ABCD3: variants seen among roughly 807,000 people sequenced by gnomAD.
ABCD3 encodes the protein ATP binding cassette subfamily D member 3, also known as ATP-binding cassette sub-family D member 3.
Under a neutral mutation model 105.5 loss-of-function variants are expected in ABCD3, and 41 were observed. That is an observed-to-expected ratio of 0.39 (90% CI 0.30 to 0.50). The LOEUF is 0.50. ABCD3 is among the 20% of genes least tolerant of loss of function. The probability of loss-of-function intolerance (pLI) is 0.84; values close to 1 mark genes in which losing one functional copy is unlikely to be tolerated. For missense variants in ABCD3, 622 were observed against 806.3 expected, an observed-to-expected ratio of 0.77 and a Z score of 2.77; for synonymous variants, 258 against 269.0, an observed-to-expected ratio of 0.96 and a Z score of 0.40.
chr1:94,517,369 C>A lies in ABCD3; in HGVS notation c.*240C>A, dbSNP rs1408431160. The A allele has an allele frequency of 4.8e-6, 2 of 418,810 alleles. No homozygotes were observed. Among genetic ancestry groups the A allele is most frequent in the East Asian group, 5.1e-5 (1 of 19,602 alleles). The allele number at this position is 418,810 out of a possible 1,614,324, so 25.9% of individuals were successfully genotyped here. On this transcript the variant is annotated 3_prime_UTR_variant, in exon 23 of 23. Transcript: ENST00000370214. The stretch of plus-strand genomic sequence containing the variant: ...AATATGTACTAAGAATGTCCTTATT[C>A]TTGTGGTTAAAAACCTGCCTAAATT...
At chr1:94,465,595 A>G (rs1221244102) in intron 3 of ABCD3, among the ~76,000 whole-genome samples, 1 of 152,320 alleles carries the variant, frequency 6.6e-6, no homozygotes, top group Non-Finnish European at 1.5e-5. Flanking sequence ...TTAAATTTCA[A>G]AAGACAAACC....
Position 94,498,485 on chromosome 1 carries a change from A to G in ABCD3, c.1387-117A>G, listed in dbSNP as rs76692500. ...CTACCTAATGCTACATTTACAGACA[A>G]ATAGAAGGCTTATAATTAGCCAGGA... On this transcript the variant is annotated intron_variant, in intron 16 of 22. Transcript: ENST00000370214. The G allele has an allele frequency of 4.6e-3, 4,832 of 1,049,632 alleles. 21 individuals are homozygous for G. The highest frequency in any genetic ancestry group is 7.7e-3 in the Middle Eastern group (27 of 3,498). 65.0% of individuals were successfully genotyped at this position (1,049,632 alleles called of 1,614,324 possible).
At chr1:94,510,875 C>T (rs1320881551) in intron 21 of ABCD3, among the ~76,000 whole-genome samples, 2 of 152,024 alleles carry the variant, frequency 1.3e-5, no homozygotes, top group Non-Finnish European at 2.9e-5. Flanking sequence ...TATTTTGAGC[C>T]TATGTGTGTC....
chr1:94,493,620 G>A (rs1435579886), intron 16 of ABCD3, among the ~76,000 whole-genome samples: 15 of 151,318 alleles, frequency 9.9e-5, no homozygotes, highest in African/African-American at 3.6e-4. Flanking sequence ...TATAAATCAT[G>A]CTGCTATAAA....
chr1:94,511,180 A>G (rs988787197), intron 21 of ABCD3, among the ~76,000 whole-genome samples: 2 of 151,972 alleles, frequency 1.3e-5, no homozygotes, highest in African/African-American at 4.8e-5. Context: ...CTTTTAGGGC[A>G]GGCCCGGTGG....
Position 94,480,452 on chromosome 1 carries a change from CAAT to C in ABCD3, c.685-4_685-2del. ...CAGAACTTTGTGTATCTTTCTCTCC[CAAT>C]AATAATAGGGCCCAGCGAGCATGAT... On this transcript the variant is annotated splice_polypyrimidine_tract_variant and intron_variant, in intron 8 of 22. Transcript: ENST00000370214. 3 of 1,613,554 alleles carry C rather than the reference CAAT, an allele frequency of 1.9e-6. No individual in the cohort carries two copies. The highest frequency in any genetic ancestry group is 2.5e-6 in the Non-Finnish European group (3 of 1,179,686).
At chr1:94,484,721 C>T (rs760625137) in intron 10 of ABCD3, among the ~76,000 whole-genome samples, 1 of 152,008 alleles carries the variant, frequency 6.6e-6, no homozygotes, top group Non-Finnish European at 1.5e-5. Flanking sequence ...ACCAACATGG[C>T]AAATGCATGC....
chr1:94,418,825 T>G, intron 1 of ABCD3: 1 of 550,960 alleles, frequency 1.8e-6, no homozygotes, highest in Non-Finnish European at 3.2e-6. Flanking sequence ...CGAATTCTTC[T>G]GTGCCCGCGG....
At position 94,456,255 on chromosome 1, in the gene ABCD3, A is replaced by ATTT. The variant is rs71094301; in HGVS notation, c.111-2318_111-2316dup. On this transcript the variant is annotated intron_variant, in intron 1 of 22. Coordinates refer to ENST00000370214, the MANE Select transcript of ABCD3 (RefSeq NM_002858.4). ...CATCCATGTTGTTGCAAATGACAGA[A>ATTT]TTTTTTTTTTTTTTTTTTTTTTTTT... 2.4e-4 allele frequency among the ~76,000 whole-genome samples: 11 copies of ATTT among 44,958 alleles called. 2 individuals carry two copies. The highest frequency in any genetic ancestry group is 1.5e-3 in the East Asian group (2 of 1,348). 29.5% of individuals were successfully genotyped at this position (44,958 alleles called of 152,430 possible). A position where few individuals can be genotyped will look rare whatever the true frequency, so the allele number is the denominator to read the frequency against.
At position 94,487,924 on chromosome 1, in the gene ABCD3, A is replaced by C; in HGVS notation, c.1098A>C (p.Arg366=). The change falls in exon 13 of 23, where the codon CGA becomes CGC. Residue 366 remains arginine (R), a synonymous_variant. Coordinates refer to ENST00000370214, the MANE Select transcript of ABCD3 (RefSeq NM_002858.4). The part of the protein sequence containing the change: ...DYYQSGRMLL[R]MSQALGRIVL... ...ACCAAAGTGGAAGAATGCTTTTGCGAATGTCTCAAGCTCTGGGTCGAATAG... is the reference window on the plus strand; with the variant it reads ...ACCAAAGTGGAAGAATGCTTTTGCGCATGTCTCAAGCTCTGGGTCGAATAG... 6.2e-7 allele frequency: 1 copy of C among 1,613,908 alleles called. No homozygotes were observed. The highest frequency in any genetic ancestry group is 1.1e-5 in the South Asian group (1 of 91,028).
chr1:94,507,677 G>C (rs1192308884), intron 21 of ABCD3, among the ~76,000 whole-genome samples: 2 of 152,024 alleles, frequency 1.3e-5, no homozygotes, highest in Non-Finnish European at 2.9e-5. Flanking sequence ...TTTAATGATT[G>C]CCATTCTAAC....
intron 16 of ABCD3, among the ~76,000 whole-genome samples, chr1:94,494,907 C>T (rs1437415412): frequency 6.6e-6 from 1 of 152,028 alleles, no homozygotes; most frequent in African/African-American, 2.4e-5. Context: ...GGCAAAACCC[C>T]GTCTCTGTGA....
chr1:94,413,298 T>C, the ABCD3 span, among the ~76,000 whole-genome samples: 2 of 152,118 alleles, frequency 1.3e-5, no homozygotes, highest in African/African-American at 4.8e-5. Context: ...AATTTTTTTT[T>C]CAGATTATGT....
intron 16 of ABCD3, among the ~76,000 whole-genome samples, chr1:94,495,222 TTTTA>T (rs1649739196): frequency 6.6e-6 from 1 of 152,202 alleles, no homozygotes. Context: ...GTGTAGAATT[TTTTA>T]TTTGTTATGA....
chr1:94,457,315 A>G (rs572102971), intron 1 of ABCD3, among the ~76,000 whole-genome samples: 1 of 152,234 alleles, frequency 6.6e-6, no homozygotes, highest in Admixed American at 6.5e-5. Flanking sequence ...GAAATTAGAA[A>G]TAATAATAAT....
rs546126147 is a variant in ABCD3 at position 94,444,424 on chromosome 1, T to C, written c.111-14183T>C. ...AAGCAGTTCTTCTGCCTTGGCCTCCTAAAGTGCTGTGATTACAGGTGTGAG... is the reference window on the plus strand; with the variant it reads ...AAGCAGTTCTTCTGCCTTGGCCTCCCAAAGTGCTGTGATTACAGGTGTGAG... On this transcript the variant is annotated intron_variant, in intron 1 of 22. Transcript: ENST00000370214. Among the ~76,000 whole-genome samples, 12 of 151,788 alleles carry C rather than the reference T, an allele frequency of 7.9e-5. No homozygotes were observed. In the East Asian group the frequency reaches 2.3e-3, roughly 29 times the overall value.
intron 1 of ABCD3, among the ~76,000 whole-genome samples, chr1:94,442,832 T>C (rs1409462632): frequency 6.6e-6 from 1 of 152,192 alleles, no homozygotes; most frequent in African/African-American, 2.4e-5. Context: ...TATTCCATGG[T>C]ATATATGTAC....
At chr1:94,477,632 T>C (rs1465746162) in intron 7 of ABCD3, among the ~76,000 whole-genome samples, 2 of 151,958 alleles carry the variant, frequency 1.3e-5, no homozygotes, top group East Asian at 3.9e-4. Context: ...ATGAACACAA[T>C]TTGTGTTTCT....
At chr1:94,492,024 C>T (rs1649557974) in intron 16 of ABCD3, among the ~76,000 whole-genome samples, 1 of 152,120 alleles carries the variant, frequency 6.6e-6, no homozygotes, top group Non-Finnish European at 1.5e-5. Flanking sequence ...ATGCTCTATA[C>T]TTTCACTGTC....
Sources: gnomAD v4.1 joint callset for allele counts (sites outside exome capture counted in the v4.1 genomes callset) on GRCh38, gnomAD v4.1.1 for gene constraint, MANE v1.5 for transcripts, NCBI Gene and HGNC (gene_info 2026-07-23, HGNC 2026-07-21) for gene names.